AMMECR1L: variants seen among roughly 807,000 people sequenced by gnomAD.
AMMECR1L encodes AMMECR1 like.
AMMECR1L carries 4 observed loss-of-function variants against 36.8 expected under a neutral mutation model. The ratio of observed to expected loss-of-function variants is 0.11; its 90% CI spans 0.05 to 0.25. AMMECR1L has a LOEUF of 0.25. AMMECR1L is among the 10% of genes least tolerant of loss of function. The pLI is 1.00. For synonymous variants in AMMECR1L, 147 were observed against 148.0 expected, an observed-to-expected ratio of 0.99 and a Z score of 0.05; for missense variants, 232 against 392.1, an observed-to-expected ratio of 0.59 and a Z score of 3.45.
chr2:127,869,548 T>A lies in AMMECR1L; in HGVS notation c.634-4A>T. ...TTCGAATCCCATGGACCCCTACCTATAGAAAAAAGTACAACCAAGTAAATG... is the reference window on the plus strand; with the variant it reads ...TTCGAATCCCATGGACCCCTACCTAAAGAAAAAAGTACAACCAAGTAAATG... On this transcript the variant is annotated splice_region_variant and splice_polypyrimidine_tract_variant and intron_variant, in intron 5 of 7. Coordinates refer to ENST00000272647, the MANE Select transcript of AMMECR1L (RefSeq NM_001199140.2). This position sits in a 1 kb window ranked among gnomAD's most constrained non-coding sequence, Gnocchi z 4.7. The A allele has an allele frequency of 6.2e-7, 1 of 1,609,788 alleles. No homozygotes were observed. Among genetic ancestry groups the A allele is most frequent in the Non-Finnish European group, 8.5e-7 (1 of 1,176,170 alleles).
intron 2 of AMMECR1L, among the ~76,000 whole-genome samples, chr2:127,882,359 C>A (rs529201592): frequency 6.6e-6 from 1 of 152,182 alleles, no homozygotes; most frequent in Non-Finnish European, 1.5e-5. Flanking sequence ...TCCTTTGTGA[C>A]ACAGAGTTGA....
Position 127,884,246 on chromosome 2 carries a change from A to C in AMMECR1L, c.-82T>G, listed in dbSNP as rs1472945509. ...ATTGCCAGAGGAACAGCTACAACAGAGGAGGGGAGCTATTTTGTCTCTGGA... is the reference window on the plus strand; with the variant it reads ...ATTGCCAGAGGAACAGCTACAACAGCGGAGGGGAGCTATTTTGTCTCTGGA... On this transcript the variant is annotated 5_prime_UTR_variant, in exon 2 of 8. Coordinates refer to ENST00000272647, the MANE Select transcript of AMMECR1L (RefSeq NM_001199140.2). 1 of 152,218 alleles carries C rather than the reference A, an allele frequency of 6.6e-6. No individual in the cohort carries two copies. The allele number at this position is 152,218 out of a possible 1,614,324, so 9.4% of individuals were successfully genotyped here. A position where few individuals can be genotyped will look rare whatever the true frequency, so the allele number is the denominator to read the frequency against.
chr2:127,866,818 C>T, intron 7 of AMMECR1L, 82 bp downstream of exon 7: 1 of 1,321,854 alleles, frequency 7.6e-7, no homozygotes, highest in South Asian at 1.2e-5. Context: ...ACAGAGAACA[C>T]TTCTTCTCCA....
Position 127,862,879 on chromosome 2 carries a change from A to T in AMMECR1L, c.*2215T>A, listed in dbSNP as rs1350139247. 6.6e-6 allele frequency: 1 copy of T among 151,838 alleles called. No individual in the cohort carries two copies. The highest frequency in any genetic ancestry group is 1.5e-5 in the Non-Finnish European group (1 of 67,830). The allele number at this position is 151,838 out of a possible 1,614,324, so 9.4% of individuals were successfully genotyped here. A position where few individuals can be genotyped will look rare whatever the true frequency, so the allele number is the denominator to read the frequency against. ...TACCCCCCCTCGATAAAATAAAATA[A>T]AATAAAATAAAATAATAAAATAAAA... On this transcript the variant is annotated 3_prime_UTR_variant, in exon 8 of 8. Transcript: ENST00000272647.
At position 127,865,316 on chromosome 2, in the gene AMMECR1L, G is replaced by A; in HGVS notation, c.822-111C>T. ...TTCCACATTTTGAAAGAATAAAATGGAAGACCAAGAGCAATCTTACTTACA... is the reference window on the plus strand; with the variant it reads ...TTCCACATTTTGAAAGAATAAAATGAAAGACCAAGAGCAATCTTACTTACA... On this transcript the variant is annotated intron_variant, in intron 7 of 7. Transcript: ENST00000272647. The surrounding 1 kb of genome is among the most constrained non-coding windows in gnomAD (Gnocchi z 5.4). 1.7e-6 allele frequency: 1 copy of A among 601,888 alleles called. No individual in the cohort carries two copies. The allele number at this position is 601,888 out of a possible 1,614,324, so 37.3% of individuals were successfully genotyped here.
In AMMECR1L at chr2:127,874,025, T is replaced by A. The variant is rs770146618; in HGVS notation, c.210A>T (p.Gly70=). Residue 70 remains glycine, a synonymous_variant, in exon 3 of 8, where the codon GGA becomes GGT. Transcript: ENST00000272647. The surrounding 1 kb of genome is among the most constrained non-coding windows in gnomAD (Gnocchi z 5.2). ...TTCGTGTGATGGGAGAGTTTCCAGG[T>A]CCCAGAGTTAAGTCTGACACATTCT... ...GRENVSDLTL[G]PGNSPITRMN... 1.2e-6 allele frequency: 2 copies of A among 1,614,192 alleles called. No homozygotes were observed. The highest frequency in any genetic ancestry group is 2.2e-5 in the South Asian group (2 of 91,086).
At chr2:127,884,458 T>A (rs1454259528) in intron 1 of AMMECR1L, 146 bp from the exon 2 acceptor site, 1 of 152,852 alleles carries the variant, frequency 6.5e-6, no homozygotes, top group Non-Finnish European at 1.5e-5. Context: ...GCTCTCCTTA[T>A]TTCAAAACCT....
At position 127,871,017 on chromosome 2, in the gene AMMECR1L, G is replaced by T. The variant is rs1690939661; in HGVS notation, c.519-89C>A. 1 of 1,032,926 alleles carries T rather than the reference G, an allele frequency of 9.7e-7. No homozygotes were observed. The highest frequency in any genetic ancestry group is 1.6e-5 in the South Asian group (1 of 62,946). The allele number at this position is 1,032,926 out of a possible 1,614,324, so 64.0% of individuals were successfully genotyped here. A position where few individuals can be genotyped will look rare whatever the true frequency, so the allele number is the denominator to read the frequency against. On this transcript the variant is annotated intron_variant, in intron 4 of 7. Transcript: ENST00000272647. The surrounding 1 kb of genome is among the most constrained non-coding windows in gnomAD (Gnocchi z 4.3). ...TAGAGCCCACATATTTATGAATCTT[G>T]AGCTATGCAGAGAGTATCTATTGTT... is the stretch of plus-strand genomic sequence containing the variant.
chr2:127,870,187 C>T (rs776005853), intron 5 of AMMECR1L, among the ~76,000 whole-genome samples: 18 of 152,028 alleles, frequency 1.2e-4, no homozygotes, highest in East Asian at 1.9e-4. Flanking sequence ...TGGTGGCACG[C>T]GACTGTAGTC....
intron 2 of AMMECR1L, among the ~76,000 whole-genome samples, chr2:127,877,034 T>TAC (rs952717903): frequency 1.4e-4 from 6 of 44,114 alleles, no homozygotes; most frequent in Admixed American, 3.6e-4. Context: ...TATATATATA[T>TAC]ACATATATAT....
intron 2 of AMMECR1L, among the ~76,000 whole-genome samples, chr2:127,878,243 GAT>G (rs1691336904): frequency 6.6e-6 from 1 of 151,992 alleles, no homozygotes; most frequent in Non-Finnish European, 1.5e-5. Flanking sequence ...TTGAATCCAC[GAT>G]GGGTGTCACC....
chr2:127,865,349 A>G lies in AMMECR1L; in HGVS notation c.822-144T>C, dbSNP rs1176515948. 1 of 540,464 alleles carries G rather than the reference A, an allele frequency of 1.9e-6. No homozygotes were observed. The allele number at this position is 540,464 out of a possible 1,614,324, so 33.5% of individuals were successfully genotyped here. ...AGAGCAATCTTACTTACAGAAAATG[A>G]AAGACAGCACAAGAAAACAATGTTG... On this transcript the variant is annotated intron_variant, in intron 7 of 7. Transcript: ENST00000272647. The surrounding 1 kb of genome is among the most constrained non-coding windows in gnomAD (Gnocchi z 5.4).
rs1350098189 is a variant in AMMECR1L, at chr2:127,873,910, A to C, written c.325T>G (p.Cys109Gly). 3 of 1,614,222 alleles carry C rather than the reference A, an allele frequency of 1.9e-6. No homozygotes were observed. The highest frequency in any genetic ancestry group is 2.5e-6 in the Non-Finnish European group (3 of 1,180,042). The change falls in exon 3 of 8, where the codon TGC (cysteine) becomes GGC (glycine). Residue 109 changes from cysteine to glycine, a missense_variant. Cys to Gly is a radical substitution (Grantham distance 159). This residue lies in a region of AMMECR1L where 83 missense variants were observed against 229.5 expected (regional missense o/e 0.36). Coordinates refer to ENST00000272647, the MANE Select transcript of AMMECR1L (RefSeq NM_001199140.2). This position sits in a 1 kb window ranked among gnomAD's most constrained non-coding sequence, Gnocchi z 5.2. ...TKNLVVTAEMCCYCFDVLYCH... is the reference protein window; with the variant it reads ...TKNLVVTAEMGCYCFDVLYCH... ...TAGAGTACGTCGAAGCAGTAGCAGC[A>C]CATCTCTGCAGTCACCACCAGATTC...
In AMMECR1L at chr2:127,874,023, G is replaced by C; in HGVS notation, c.212C>G (p.Pro71Arg). The part of the protein sequence containing the change: ...RENVSDLTLG[P>R]GNSPITRMNP... ...CATTCGTGTGATGGGAGAGTTTCCA[G>C]GTCCCAGAGTTAAGTCTGACACATT... Residue 71 changes from proline to arginine, a missense_variant, in exon 3 of 8, where the codon CCT (proline) becomes CGT (arginine). Pro to Arg is a moderately radical substitution (Grantham distance 103). This residue lies in a region of AMMECR1L where 109 missense variants were observed against 128.1 expected (regional missense o/e 0.85). Transcript: ENST00000272647. This position sits in a 1 kb window ranked among gnomAD's most constrained non-coding sequence, Gnocchi z 5.2. 6.2e-7 allele frequency: 1 copy of C among 1,614,246 alleles called. No homozygotes were observed. Among genetic ancestry groups the C allele is most frequent in the Non-Finnish European group, 8.5e-7 (1 of 1,180,046 alleles).
intron 1 of AMMECR1L, chr2:127,885,522 A>AGGAGCG (rs1290457706): frequency 1.0e-6 from 1 of 984,020 alleles, no homozygotes; most frequent in Non-Finnish European, 1.2e-6. Flanking sequence ...GACAAGGACC[A>AGGAGCG]GGAGCGGGAG....
rs1690495576 is a variant in AMMECR1L at position 127,862,156 on chromosome 2, CCTAG to C, written c.*2934_*2937del. The C allele has an allele frequency of 6.5e-6, 1 of 153,676 alleles. No individual in the cohort carries two copies. Among genetic ancestry groups the C allele is most frequent in the African/African-American group, 2.4e-5 (1 of 41,422 alleles). The allele number at this position is 153,676 out of a possible 1,614,324, so 9.5% of individuals were successfully genotyped here. ...CAATTCATAATTACAGAGAGAATGT[CCTAG>C]CTGTGGGTATTATGAGACAAGCCAA... On this transcript the variant is annotated 3_prime_UTR_variant, in exon 8 of 8. Transcript: ENST00000272647.
intron 6 of AMMECR1L, among the ~76,000 whole-genome samples, chr2:127,868,914 G>A (rs897149116): frequency 1.3e-5 from 2 of 152,008 alleles, no homozygotes; most frequent in Non-Finnish European, 2.9e-5. Context: ...TAGTAGAGAC[G>A]GGGTTTCACC....
rs919992529 is a variant in AMMECR1L, at chr2:127,869,167, T to C, written c.724+287A>G. ...GTTGATTGGTGGTATTTTGCTACAA[T>C]TGCCACTGTAGTTTAAGGGGCTAAG... On this transcript the variant is annotated intron_variant, in intron 6 of 7. Coordinates refer to ENST00000272647, the MANE Select transcript of AMMECR1L (RefSeq NM_001199140.2). This position sits in a 1 kb window ranked among gnomAD's most constrained non-coding sequence, Gnocchi z 4.7. Among the ~76,000 whole-genome samples the C allele has an allele frequency of 6.6e-6, 1 of 152,232 alleles. No individual in the cohort carries two copies. The highest frequency in any genetic ancestry group is 2.4e-5 in the African/African-American group (1 of 41,462).
In AMMECR1L at chr2:127,861,666, G is replaced by A. The variant is rs149844266; in HGVS notation, c.*3428C>T. 512 of 152,202 alleles carry A rather than the reference G, an allele frequency of 3.4e-3. 3 individuals are homozygous for A. Among genetic ancestry groups the A allele is most frequent in the African/African-American group, 0.011 (460 of 41,524 alleles). 9.4% of individuals were successfully genotyped at this position (152,202 alleles called of 1,614,324 possible). A position where few individuals can be genotyped will look rare whatever the true frequency, so the allele number is the denominator to read the frequency against. The stretch of plus-strand genomic sequence containing the variant: ...TATGATTTATTCTCTACAATACTTC[G>A]TTAAAGTGTTCAATGATTTGCACTC... On this transcript the variant is annotated 3_prime_UTR_variant, in exon 8 of 8. Coordinates refer to ENST00000272647, the MANE Select transcript of AMMECR1L (RefSeq NM_001199140.2).
Sources: allele counts gnomAD v4.1 joint callset (sites outside exome capture counted in the v4.1 genomes callset), GRCh38; gene constraint gnomAD v4.1.1; regional missense constraint gnomAD v4.1.1; non-coding constraint Gnocchi (gnomAD v3.1); transcripts MANE v1.5; gene names NCBI Gene and HGNC (gene_info 2026-07-23, HGNC 2026-07-21).